The following CCDC88C variants were observed in gnomAD, a reference collection of about 807,000 sequenced individuals.
The protein encoded by CCDC88C is coiled-coil and HOOK domain protein 88C.
CCDC88C carries 131 observed loss-of-function variants against 198.8 expected under a neutral mutation model. The observed-to-expected ratio is 0.66, with a 90% CI of 0.57 to 0.76. The LOEUF is 0.76. Among genes scored for constraint, CCDC88C ranks in the 30% least tolerant of loss-of-function variants. CCDC88C has a pLI of 0.00. For synonymous variants in CCDC88C, 1,166 were observed against 1,114.7 expected (o/e 1.05, Z -0.92); for missense variants, 2,553 against 2,631.6 (o/e 0.97, Z 0.65).
chr14:91,325,776 G>T lies in CCDC88C; in HGVS notation c.1197+134C>A. ...TTTCGTAGAGATGGGGCCTCGCTAG[G>T]TTGCCAGGGTTAGAACTCCTGCGCT... On this transcript the variant is annotated intron_variant, in intron 11 of 29. Transcript: ENST00000389857. This position sits in a 1 kb window ranked among gnomAD's most constrained non-coding sequence, Gnocchi z 4.1. 1.2e-6 allele frequency: 1 copy of T among 807,690 alleles called. No homozygotes were observed. The highest frequency in any genetic ancestry group is 1.9e-6 in the Non-Finnish European group (1 of 524,704). 50.0% of individuals were successfully genotyped at this position (807,690 alleles called of 1,614,324 possible).
intron 20 of CCDC88C, among the ~76,000 whole-genome samples, chr14:91,301,760 T>C (rs1456601998): frequency 1.3e-5 from 2 of 152,232 alleles, no homozygotes; most frequent in South Asian, 2.1e-4. Flanking sequence ...CATTATTTAA[T>C]ACGACATAAC....
At chr14:91,285,923 G>C (rs997576277) in intron 25 of CCDC88C, 1 of 770,922 alleles carries the variant, frequency 1.3e-6, no homozygotes, top group East Asian at 6.4e-5. Context: ...CAAATGAATC[G>C]AAATTAGCTA....
In CCDC88C at chr14:91,339,482, G is replaced by C. The variant is rs1344208914; in HGVS notation, c.625-20C>G. The C allele has an allele frequency of 6.3e-7, 1 of 1,594,404 alleles. No individual in the cohort carries two copies. The highest frequency in any genetic ancestry group is 1.1e-5 in the South Asian group (1 of 89,226). ...GATCAGCTGCAGCCGGGCAGAGAGG[G>C]GGATGGAGGAGAACAAACGGGGTTA... On this transcript the variant is annotated intron_variant, in intron 7 of 29. Coordinates refer to ENST00000389857, the MANE Select transcript of CCDC88C (RefSeq NM_001080414.4). This position sits in a 1 kb window ranked among gnomAD's most constrained non-coding sequence, Gnocchi z 5.8.
intron 20 of CCDC88C, among the ~76,000 whole-genome samples, chr14:91,302,863 TGGA>T (rs1016609610): frequency 6.6e-6 from 1 of 152,094 alleles, no homozygotes; most frequent in African/African-American, 2.4e-5. Context: ...AACGGAGCCG[TGGA>T]GAATTCCCTC....
At position 91,281,440 on chromosome 14, in the gene CCDC88C, G is replaced by A; in HGVS notation, c.4699+17C>T. The A allele has an allele frequency of 6.2e-7, 1 of 1,613,690 alleles. No homozygotes were observed. On this transcript the variant is annotated intron_variant, in intron 27 of 29. Transcript: ENST00000389857. ...CTGGAAACCCAGGCTGGAGGACACA[G>A]CACCCTCCCTACTCACCGTACTGCC...
chr14:91,286,687 G>A (rs1162380116), intron 25 of CCDC88C, among the ~76,000 whole-genome samples: 2 of 152,200 alleles, frequency 1.3e-5, no homozygotes, highest in Non-Finnish European at 2.9e-5. Context: ...TTCAAGGCTG[G>A]TGTCCTTGTG....
At chr14:91,280,830 C>A (rs550817587) in intron 27 of CCDC88C, among the ~76,000 whole-genome samples, 1 of 152,270 alleles carries the variant, frequency 6.6e-6, no homozygotes, top group South Asian at 2.1e-4. Context: ...GCTTTTTAGA[C>A]CGTGGATAGG....
At chr14:91,331,003 G>A (rs925096274) in intron 10 of CCDC88C, among the ~76,000 whole-genome samples, 1 of 151,832 alleles carries the variant, frequency 6.6e-6, no homozygotes, top group Non-Finnish European at 1.5e-5. Flanking sequence ...GAGAGTGGAA[G>A]CTCAGGGAGG....
chr14:91,386,296 A>AAC (rs1417053381), intron 3 of CCDC88C, among the ~76,000 whole-genome samples: 1 of 149,848 alleles, frequency 6.7e-6, no homozygotes, highest in Non-Finnish European at 1.5e-5. Context: ...ATACAAAAAA[A>AAC]AAAAAAAACA....
chr14:91,318,245 C>A lies in CCDC88C; in HGVS notation c.1528-2458G>T, dbSNP rs549368859. On this transcript the variant is annotated intron_variant, in intron 13 of 29. Transcript: ENST00000389857. Reference sequence around the variant, plus strand: ...GACCAGCCTGGGCAACATAAAGAGACCCCAGTTCCAAAAAAAAAAAATTAG... The same window carrying A: ...GACCAGCCTGGGCAACATAAAGAGAACCCAGTTCCAAAAAAAAAAAATTAG... Among the ~76,000 whole-genome samples the A allele has an allele frequency of 2.0e-5, 3 of 151,766 alleles. No individual in the cohort carries two copies. The East Asian group carries it at 5.8e-4, about 29-fold the overall frequency.
rs1309857757 is a variant in CCDC88C, at chr14:91,338,244, G to A, written c.892-81C>T. 6 of 1,531,210 alleles carry A rather than the reference G, an allele frequency of 3.9e-6. No individual in the cohort carries two copies. Among genetic ancestry groups the A allele is most frequent in the Non-Finnish European group, 5.3e-6 (6 of 1,124,154 alleles). 94.9% of individuals were successfully genotyped at this position (1,531,210 alleles called of 1,614,324 possible). On this transcript the variant is annotated intron_variant, in intron 9 of 29. Transcript: ENST00000389857. The surrounding 1 kb of genome is among the most constrained non-coding windows in gnomAD (Gnocchi z 4.8). ...AGAAAGGCCATTGCCCTTCTGCATGGTGTCTCCACGACGGCCCAGGACAAG... is the reference window on the plus strand; with the variant it reads ...AGAAAGGCCATTGCCCTTCTGCATGATGTCTCCACGACGGCCCAGGACAAG...
chr14:91,351,571 C>T (rs1397311326), intron 4 of CCDC88C, among the ~76,000 whole-genome samples: 2 of 152,220 alleles, frequency 1.3e-5, no homozygotes, highest in African/African-American at 2.4e-5. Flanking sequence ...GGCACCTCTA[C>T]GCACGGGCTC....
At chr14:91,343,142 G>T (rs975055916) in intron 5 of CCDC88C, among the ~76,000 whole-genome samples, 14 of 152,130 alleles carry the variant, frequency 9.2e-5, no homozygotes, top group Non-Finnish European at 1.8e-4. Flanking sequence ...TTTTTGTAAA[G>T]ATGAGGTCTC....
At chr14:91,275,818 C>CTTTTTTTT (rs34204634) in intron 29 of CCDC88C, among the ~76,000 whole-genome samples, 2 of 82,310 alleles carry the variant, frequency 2.4e-5, no homozygotes, top group Non-Finnish European at 4.3e-5. Context: ...ACCAGTGGTT[C>CTTTTTTTT]TTTTTTTTTT....
intron 2 of CCDC88C, among the ~76,000 whole-genome samples, chr14:91,415,612 C>T (rs571242784): frequency 1.3e-5 from 2 of 151,808 alleles, no homozygotes; most frequent in Admixed American, 1.3e-4. Flanking sequence ...CCCAGCTACT[C>T]GGGAGGCTGA....
intron 10 of CCDC88C, among the ~76,000 whole-genome samples, chr14:91,334,130 A>G (rs560558929): frequency 1.3e-5 from 2 of 152,358 alleles, no homozygotes; most frequent in South Asian, 2.1e-4. Context: ...TCACATATCC[A>G]TCAATCTATC....
chr14:91,363,354 C>G (rs952489865), intron 3 of CCDC88C, among the ~76,000 whole-genome samples: 25 of 151,654 alleles, frequency 1.6e-4, no homozygotes, highest in Admixed American at 1.2e-3. Flanking sequence ...CAGGCAATAC[C>G]CCCACCTCGG....
At chr14:91,382,729 G>A (rs920392867) in intron 3 of CCDC88C, among the ~76,000 whole-genome samples, 8 of 152,156 alleles carry the variant, frequency 5.3e-5, no homozygotes, top group South Asian at 4.1e-4. Context: ...TTCAAGGGAC[G>A]ACCTTGTCTG....
intron 3 of CCDC88C, among the ~76,000 whole-genome samples, chr14:91,395,382 G>C (rs1245462979): frequency 6.6e-6 from 1 of 152,066 alleles, no homozygotes; most frequent in Non-Finnish European, 1.5e-5. Context: ...CCACCTATAA[G>C]GTAATTTTTA....
Sources: allele counts gnomAD v4.1 joint callset (sites outside exome capture counted in the v4.1 genomes callset), GRCh38; gene constraint gnomAD v4.1.1; non-coding constraint Gnocchi (gnomAD v3.1); transcripts MANE v1.5; gene names NCBI Gene and HGNC (gene_info 2026-07-23, HGNC 2026-07-21).